Variants in PCSK6 observed in about 807,000 individuals in gnomAD.
PCSK6 encodes paired basic amino acid cleaving enzyme 4.
A neutral mutation model predicts 123.3 loss-of-function variants in PCSK6; 85 were observed. The ratio of observed to expected loss-of-function variants is 0.69; its 90% CI spans 0.58 to 0.83. The LOEUF (loss-of-function observed/expected upper bound fraction) is 0.83, where lower values mean the gene tolerates loss of function less well. Among genes scored for constraint, PCSK6 ranks in the 40% least tolerant of loss-of-function variants. The pLI is 0.00. For synonymous variants in PCSK6, 508 were observed against 516.0 expected, an observed-to-expected ratio of 0.98 and a Z score of 0.21; for missense variants, 1,191 against 1,282.3, an observed-to-expected ratio of 0.93 and a Z score of 1.09.
intron 11 of PCSK6, among the ~76,000 whole-genome samples, chr15:101,375,200 G>C (rs370952640): frequency 6.6e-6 from 1 of 152,102 alleles, no homozygotes; most frequent in African/African-American, 2.4e-5. Flanking sequence ...CGATCCGCCC[G>C]CCTCGGCCTC....
rs73493365 is a variant in PCSK6 at position 101,346,743 on chromosome 15, A to G, written c.1859-14712T>C. 152 of 1,226,736 alleles carry G rather than the reference A, an allele frequency of 1.2e-4. No homozygotes were observed. In the African/African-American group the frequency reaches 2.2e-3, roughly 18 times the overall value. The allele number at this position is 1,226,736 out of a possible 1,614,324, so 76.0% of individuals were successfully genotyped here. A position where few individuals can be genotyped will look rare whatever the true frequency, so the allele number is the denominator to read the frequency against. ...CAGATCTGTCATTTTCATTTTCATC[A>G]ATGTTTAGTATTTTATTTGCAAAAA... On this transcript the variant is annotated intron_variant, in intron 13 of 21. Coordinates refer to ENST00000611716, the MANE Select transcript of PCSK6 (RefSeq NM_002570.5).
chr15:101,443,429 C>A, intron 2 of PCSK6, 127 bp downstream of exon 2: 1 of 654,904 alleles, frequency 1.5e-6, no homozygotes, highest in Non-Finnish European at 2.7e-6. Context: ...ACCTGTCTTG[C>A]TGTATTTAAA....
At chr15:101,448,217 T>C (rs562251854) in intron 1 of PCSK6, among the ~76,000 whole-genome samples, 5 of 152,342 alleles carry the variant, frequency 3.3e-5, no homozygotes, top group South Asian at 2.1e-4. Context: ...TCAACGTTGA[T>C]AGGCGATTAT....
At chr15:101,329,445 A>G (rs1425108783) in intron 15 of PCSK6, among the ~76,000 whole-genome samples, 1 of 152,180 alleles carries the variant, frequency 6.6e-6, no homozygotes, top group Non-Finnish European at 1.5e-5. Flanking sequence ...TGCAGACAAG[A>G]GGTGCCCACG....
intron 6 of PCSK6, among the ~76,000 whole-genome samples, chr15:101,424,123 T>C (rs1053436269): frequency 1.3e-5 from 2 of 151,390 alleles, no homozygotes; most frequent in African/African-American, 4.9e-5. Flanking sequence ...CAGTCCCAGA[T>C]ACTTGGGAGG....
chr15:101,394,498 G>A (rs149675858), intron 7 of PCSK6, among the ~76,000 whole-genome samples: 1 of 152,310 alleles, frequency 6.6e-6, no homozygotes, highest in African/African-American at 2.4e-5. Context: ...GGCTGGTGGT[G>A]CACAGCTGGC....
intron 6 of PCSK6, among the ~76,000 whole-genome samples, chr15:101,407,109 C>T (rs986377520): frequency 1.3e-5 from 2 of 151,808 alleles, no homozygotes; most frequent in South Asian, 4.2e-4. Flanking sequence ...TGTGGTGTGG[C>T]AAGGGTATGG....
rs567555511 is a variant in PCSK6, at chr15:101,398,943, C to T, written c.824-367G>A. ...TTTGAGACAGAGTCTCACTCTGTCA[C>T]CCAGGCTGGAGGGCAGTGGTGCAAT... On this transcript the variant is annotated intron_variant, in intron 6 of 21. Transcript: ENST00000611716. The surrounding 1 kb of genome is among the most constrained non-coding windows in gnomAD (Gnocchi z 4.6). Among the ~76,000 whole-genome samples, 1 of 152,146 alleles carries T rather than the reference C, an allele frequency of 6.6e-6. No homozygotes were observed. Among genetic ancestry groups the T allele is most frequent in the Non-Finnish European group, 1.5e-5 (1 of 68,006 alleles).
intron 13 of PCSK6, among the ~76,000 whole-genome samples, chr15:101,349,289 T>C (rs1486583829): frequency 6.6e-6 from 1 of 152,238 alleles, no homozygotes; most frequent in Non-Finnish European, 1.5e-5. Flanking sequence ...TGTTTGTTTT[T>C]CTCGGGAAAA....
Position 101,345,926 on chromosome 15 carries a change from C to T in PCSK6, c.1859-13895G>A, listed in dbSNP as rs113245851. The stretch of plus-strand genomic sequence containing the variant: ...CAGGTGATCCGCCTGCCTCGGCCTC[C>T]CAAAGTGCTGGGATTACAAGCGTGA... On this transcript the variant is annotated intron_variant, in intron 13 of 21. Coordinates refer to ENST00000611716, the MANE Select transcript of PCSK6 (RefSeq NM_002570.5). 4.6e-5 allele frequency among the ~76,000 whole-genome samples: 7 copies of T among 152,322 alleles called. 1 individual carries two copies. The highest frequency in any genetic ancestry group is 1.4e-4 in the African/African-American group (6 of 41,572).
At chr15:101,489,207 C>T (rs1364134370) in intron 1 of PCSK6, among the ~76,000 whole-genome samples, 167 bp downstream of exon 1, 41 of 58,772 alleles carry the variant, frequency 7.0e-4, no homozygotes, top group African/African-American at 2.0e-3. Flanking sequence ...CGGGCGACAC[C>T]CCCCCCCGCA....
chr15:101,464,956 A>AG (rs35933023), intron 1 of PCSK6, among the ~76,000 whole-genome samples: 109,389 of 151,608 alleles, frequency 0.72, 40,446 homozygotes, highest in Non-Finnish European at 0.82. Flanking sequence ...AAGGGGACAG[A>AG]GGCTACTCAG....
intron 18 of PCSK6, among the ~76,000 whole-genome samples, chr15:101,318,925 G>A (rs773479847): frequency 2.0e-4 from 30 of 152,218 alleles, no homozygotes; most frequent in Non-Finnish European, 3.8e-4. Flanking sequence ...CTTGAAATAA[G>A]ACGCCCTCTG....
At chr15:101,337,644 A>G (rs1462208299) in intron 13 of PCSK6, among the ~76,000 whole-genome samples, 5 of 152,320 alleles carry the variant, frequency 3.3e-5, no homozygotes, top group African/African-American at 1.2e-4. Context: ...ATATCATGTT[A>G]ATCGCATTCG....
At position 101,324,958 on chromosome 15, in the gene PCSK6, A is replaced by G. The variant is rs1368482564; in HGVS notation, c.2269T>C (p.Ser757Pro). The G allele has an allele frequency of 1.2e-6, 2 of 1,613,196 alleles. No individual in the cohort carries two copies. The highest frequency in any genetic ancestry group is 1.7e-5 in the Admixed American group (1 of 60,006). Residue 757 changes from serine to proline, a missense_variant, in exon 17 of 22, where the codon TCC becomes CCC. Transcript: ENST00000611716. The part of the protein sequence containing the change: ...RRCHKGCETC[S>P]SRAATQCLSC... ...AGGCACTGCGTCGCAGCTCTGCTGG[A>G]GCAGGTCTCACACCCCTTGTGGCAC... is the stretch of plus-strand genomic sequence containing the variant.
In PCSK6 at chr15:101,326,463, C is replaced by T. The variant is rs2040255655; in HGVS notation, c.2094G>A (p.Glu698=). 1.3e-6 allele frequency: 2 copies of T among 1,580,760 alleles called. No individual in the cohort carries two copies. Among genetic ancestry groups the T allele is most frequent in the Non-Finnish European group, 1.7e-6 (2 of 1,163,070 alleles). ...GGCCATCACAGCCTTTGTCACCACA[C>T]TCCGGATGGCACACACCTTAAAGAA... ...NILQTSVCHP[E]CGDKGCDGPN... The change falls in exon 16 of 22, where the codon GAG becomes GAA. Residue 698 remains glutamate, a synonymous_variant. Transcript: ENST00000611716.
chr15:101,324,943 T>C lies in PCSK6; in HGVS notation c.2284A>G (p.Thr762Ala). 1.2e-6 allele frequency: 2 copies of C among 1,613,410 alleles called. No homozygotes were observed. The highest frequency in any genetic ancestry group is 2.2e-5 in the East Asian group (1 of 44,872). Residue 762 changes from threonine to alanine, a missense_variant, in exon 17 of 22, where the codon ACG (threonine) becomes GCG (alanine). This residue lies in a region of PCSK6 where 630 missense variants were observed against 631.4 expected (regional missense o/e 1.00). Coordinates refer to ENST00000611716, the MANE Select transcript of PCSK6 (RefSeq NM_002570.5). The stretch of plus-strand genomic sequence containing the variant: ...CCGCGGCGGCAAGACAGGCACTGCG[T>C]CGCAGCTCTGCTGGAGCAGGTCTCA... ...GCETCSSRAATQCLSCRRGFY... is the reference protein window; with the variant it reads ...GCETCSSRAAAQCLSCRRGFY...
intron 6 of PCSK6, among the ~76,000 whole-genome samples, chr15:101,416,180 GT>G (rs2055881020): frequency 6.6e-6 from 1 of 152,168 alleles, no homozygotes; most frequent in African/African-American, 2.4e-5. Context: ...GAACAGTAAG[GT>G]CCATGGTCAG....
rs1567143907 is a variant in PCSK6, at chr15:101,326,414, A to G, written c.2143T>C (p.Cys715Arg). ...DGPNADQCLN[C>R]VHFSLGSVKT... Reference sequence around the variant, plus strand: ...ACACTCCCCAGGCTGAAGTGGACGCAGTTCAAGCACTGGTCTGCATTGGGG... The same window carrying G: ...ACACTCCCCAGGCTGAAGTGGACGCGGTTCAAGCACTGGTCTGCATTGGGG... The change falls in exon 16 of 22, where the codon TGC (cysteine) becomes CGC (arginine). Residue 715 changes from cysteine to arginine, a missense_variant. Cys to Arg is a radical substitution (Grantham distance 180, BLOSUM62 -3). Transcript: ENST00000611716. The G allele has an allele frequency of 1.9e-6, 3 of 1,583,876 alleles. No homozygotes were observed. Among genetic ancestry groups the G allele is most frequent in the Admixed American group, 1.8e-5 (1 of 55,838 alleles).
Sources: allele counts gnomAD v4.1 joint callset (sites outside exome capture counted in the v4.1 genomes callset), GRCh38; gene constraint gnomAD v4.1.1; regional missense constraint gnomAD v4.1.1; non-coding constraint Gnocchi (gnomAD v3.1); transcripts MANE v1.5; gene names NCBI Gene and HGNC (gene_info 2026-07-23, HGNC 2026-07-21).